GPC5: variants seen among roughly 807,000 people sequenced by gnomAD.
The protein encoded by GPC5 is glypican 5.
In GPC5, 47 loss-of-function variants were observed where a neutral mutation model predicts 53.9. The observed-to-expected ratio is 0.87, with a 90% CI of 0.69 to 1.11. GPC5 has a LOEUF of 1.11. GPC5 is among the 50% of genes most tolerant of loss of function. GPC5 has a pLI of 0.00. For synonymous variants in GPC5, 286 were observed against 263.3 expected, an observed-to-expected ratio of 1.09 and a Z score of -0.84; for missense variants, 748 against 713.1, an observed-to-expected ratio of 1.05 and a Z score of -0.56.
chr13:92,444,502 G>C (rs1180187359), intron 7 of GPC5, among the ~76,000 whole-genome samples: 3 of 152,028 alleles, frequency 2.0e-5, no homozygotes, highest in African/African-American at 7.2e-5. Context: ...GGTTGAGAAG[G>C]TGGCAGTTTC....
rs560742257 is a variant in GPC5, at chr13:92,284,319, G to A, written c.1561+139330G>A. 3.3e-5 allele frequency among the ~76,000 whole-genome samples: 5 copies of A among 152,264 alleles called. No homozygotes were observed. In the South Asian group the frequency reaches 1.0e-3, roughly 32 times the overall value. On this transcript the variant is annotated intron_variant, in intron 7 of 7. Coordinates refer to ENST00000377067, the MANE Select transcript of GPC5 (RefSeq NM_004466.6). Reference sequence around the variant, plus strand: ...CGAGTTCTACTAGAGGTACAAGGAGGAGCTGGTTCCATTCCTTCTGAAACT... The same window carrying A: ...CGAGTTCTACTAGAGGTACAAGGAGAAGCTGGTTCCATTCCTTCTGAAACT...
intron 6 of GPC5, among the ~76,000 whole-genome samples, chr13:91,999,421 TG>T (rs1345808816): frequency 1.3e-5 from 2 of 152,192 alleles, no homozygotes; most frequent in Non-Finnish European, 2.9e-5. Context: ...GGAATCATTT[TG>T]TTTAGGTATT....
intron 6 of GPC5, among the ~76,000 whole-genome samples, chr13:92,013,568 G>A (rs945866229): frequency 1.7e-4 from 26 of 152,128 alleles, no homozygotes; most frequent in African/African-American, 5.1e-4. Context: ...GGGAGAGAGC[G>A]AGCAAACAGG....
At chr13:91,796,304 G>A (rs2038045567) in intron 5 of GPC5, among the ~76,000 whole-genome samples, 1 of 152,240 alleles carries the variant, frequency 6.6e-6, no homozygotes, top group Non-Finnish European at 1.5e-5. Flanking sequence ...TGGATCAGAA[G>A]TGCAGTGGAC....
intron 7 of GPC5, among the ~76,000 whole-genome samples, chr13:92,819,777 G>A (rs1236428909): frequency 6.6e-6 from 1 of 152,050 alleles, no homozygotes; most frequent in Non-Finnish European, 1.5e-5. Flanking sequence ...GGGGGGTAGA[G>A]GAGGAATTTT....
chr13:91,630,670 C>G (rs542757278), intron 2 of GPC5, among the ~76,000 whole-genome samples: 2 of 152,164 alleles, frequency 1.3e-5, no homozygotes, highest in Admixed American at 6.5e-5. Context: ...AATGGAGAAG[C>G]CTCTTTGGGC....
intron 2 of GPC5, among the ~76,000 whole-genome samples, chr13:91,544,948 G>T (rs1460785555): frequency 6.6e-6 from 1 of 152,166 alleles, no homozygotes; most frequent in African/African-American, 2.4e-5. Context: ...GGCAAACTCA[G>T]TTCCTCACTG....
At chr13:92,315,805 T>C (rs1002996014) in intron 7 of GPC5, among the ~76,000 whole-genome samples, 1 of 152,192 alleles carries the variant, frequency 6.6e-6, no homozygotes, top group African/African-American at 2.4e-5. Flanking sequence ...TGCTGTACTT[T>C]AAACAAAGTA....
chr13:92,040,389 C>T (rs1275647706), intron 6 of GPC5, among the ~76,000 whole-genome samples: 2 of 152,162 alleles, frequency 1.3e-5, no homozygotes, highest in African/African-American at 2.4e-5. Context: ...GGCAGGTTCC[C>T]ACCTTGCACC....
In GPC5 at chr13:91,504,377, T is replaced by C. The variant is rs9589262; in HGVS notation, c.325+55455T>C. The stretch of plus-strand genomic sequence containing the variant: ...GAATTCCATAATTGTTATTCATTAA[T>C]AACATTATTCTATAAGTGGTTATTA... On this transcript the variant is annotated intron_variant, in intron 2 of 7. Transcript: ENST00000377067. 6.0e-3 allele frequency among the ~76,000 whole-genome samples: 919 copies of C among 152,232 alleles called. 9 individuals carry two copies. The highest frequency in any genetic ancestry group is 0.022 in the African/African-American group (897 of 41,568).
chr13:91,757,422 C>A (rs1266802584), intron 5 of GPC5, among the ~76,000 whole-genome samples: 2 of 151,982 alleles, frequency 1.3e-5, no homozygotes, highest in Non-Finnish European at 2.9e-5. Flanking sequence ...GGCTGTGTCC[C>A]CACCCAAGTC....
In GPC5 at chr13:91,676,811, A is replaced by G. The variant is rs534100947; in HGVS notation, c.326-16376A>G. Reference sequence around the variant, plus strand: ...AAGTTTCATCCAGAGAATGCTTTTGATAAGAAGCTGTTGTTGGGTATAGTT... The same window carrying G: ...AAGTTTCATCCAGAGAATGCTTTTGGTAAGAAGCTGTTGTTGGGTATAGTT... On this transcript the variant is annotated intron_variant, in intron 2 of 7. Coordinates refer to ENST00000377067, the MANE Select transcript of GPC5 (RefSeq NM_004466.6). 3.3e-5 allele frequency among the ~76,000 whole-genome samples: 5 copies of G among 152,320 alleles called. 1 individual carries two copies. The South Asian group carries it at 8.3e-4, about 25-fold the overall frequency.
chr13:91,694,035 A>G (rs187878699), intron 3 of GPC5, among the ~76,000 whole-genome samples, 154 bp downstream of exon 3: 185 of 152,302 alleles, frequency 1.2e-3, no homozygotes, highest in Admixed American at 1.7e-3. Context: ...GATTGGCTGA[A>G]ATACCACATT....
chr13:92,572,502 G>T (rs1313113038), intron 7 of GPC5, among the ~76,000 whole-genome samples: 1 of 152,114 alleles, frequency 6.6e-6, no homozygotes, highest in East Asian at 1.9e-4. Flanking sequence ...GATAAGGAAG[G>T]CACACTGATG....
At chr13:91,581,323 A>G (rs998854820) in intron 2 of GPC5, among the ~76,000 whole-genome samples, 1 of 152,360 alleles carries the variant, frequency 6.6e-6, no homozygotes, top group East Asian at 1.9e-4. Context: ...TGGAAGAAAT[A>G]TAACACTATT....
rs2035809821 is a variant in GPC5, at chr13:91,693,583, A to G, written c.722A>G (p.Tyr241Cys). ...ATTGAAGTCATCAACACCACAGACT[A>G]TCTGCACTTCTCCAAAGAGTGCAGC... ...LGIEVINTTD[Y>C]LHFSKECSRA... Residue 241 changes from tyrosine to cysteine, a missense_variant, in exon 3 of 8, where the codon TAT becomes TGT. Transcript: ENST00000377067. The G allele has an allele frequency of 6.2e-7, 1 of 1,614,120 alleles. No individual in the cohort carries two copies. Among genetic ancestry groups the G allele is most frequent in the Non-Finnish European group, 8.5e-7 (1 of 1,180,006 alleles).
chr13:91,620,021 G>A (rs1359814133), intron 2 of GPC5, among the ~76,000 whole-genome samples: 2 of 152,094 alleles, frequency 1.3e-5, no homozygotes, highest in Non-Finnish European at 2.9e-5. Context: ...CTTGGAAAGC[G>A]ATTATTGAAA....
intron 2 of GPC5, among the ~76,000 whole-genome samples, chr13:91,488,961 G>A (rs988607106): frequency 5.3e-5 from 8 of 152,186 alleles, no homozygotes; most frequent in African/African-American, 7.2e-5. Context: ...TTTTATGGTC[G>A]TAGCTGTGGG....
intron 7 of GPC5, among the ~76,000 whole-genome samples, chr13:92,242,946 G>A (rs1051697693): frequency 1.3e-5 from 2 of 152,056 alleles, no homozygotes; most frequent in African/African-American, 4.8e-5. Flanking sequence ...ATATTCCCAA[G>A]TAATTTAATT....
Sources: allele counts gnomAD v4.1 joint callset (sites outside exome capture counted in the v4.1 genomes callset), GRCh38; gene constraint gnomAD v4.1.1; transcripts MANE v1.5; gene names NCBI Gene and HGNC (gene_info 2026-07-23, HGNC 2026-07-21).